Variants in AGTR1 observed in about 807,000 individuals in gnomAD.
AGTR1 encodes type-1 angiotensin II receptor.
Under a neutral mutation model 19.4 loss-of-function variants are expected in AGTR1, and 16 were observed. The ratio of observed to expected loss-of-function variants is 0.82; its 90% CI spans 0.56 to 1.25. The LOEUF (loss-of-function observed/expected upper bound fraction) is 1.25, where lower values mean the gene tolerates loss of function less well. AGTR1 is among the 50% of genes most tolerant of loss of function. AGTR1 has a pLI of 0.00. For missense variants in AGTR1, 373 were observed against 431.9 expected (o/e 0.86, Z 1.21); for synonymous variants, 153 against 154.9 (o/e 0.99, Z 0.09).
intron 2 of AGTR1, among the ~76,000 whole-genome samples, chr3:148,738,124 C>G (rs957799056): frequency 6.6e-6 from 1 of 152,118 alleles, no homozygotes; most frequent in African/African-American, 2.4e-5. Context: ...ATGGAACCCA[C>G]ATGAGTTGTG....
chr3:148,741,399 C>T lies in AGTR1; in HGVS notation c.364C>T (p.Leu122Phe), dbSNP rs1714875882. The T allele has an allele frequency of 1.9e-6, 3 of 1,603,544 alleles. No individual in the cohort carries two copies. In the African/African-American group the frequency reaches 4.0e-5, roughly 21 times the overall value. Residue 122 changes from leucine (L) to phenylalanine (F), a missense_variant, in exon 3 of 3, where the codon CTC (leucine) becomes TTC (phenylalanine). Coordinates refer to ENST00000349243, the MANE Select transcript of AGTR1 (RefSeq NM_000685.5). ...LYASVFLLTC[L>F]SIDRYLAIVH... ...CGCTAGTGTGTTTCTACTCACGTGT[C>T]TCAGCATTGATCGATACCTGGCTAT...
intron 2 of AGTR1, among the ~76,000 whole-genome samples, chr3:148,712,865 A>G (rs1034745045): frequency 1.3e-5 from 2 of 152,158 alleles, no homozygotes; most frequent in Non-Finnish European, 2.9e-5. Context: ...TTATCTATAC[A>G]TGACTAAACA....
At chr3:148,735,218 CCAGACAGAGTTT>C (rs1714508281) in intron 2 of AGTR1, among the ~76,000 whole-genome samples, 1 of 152,128 alleles carries the variant, frequency 6.6e-6, no homozygotes, top group Non-Finnish European at 1.5e-5. Context: ...CTTCTGAAGA[CCAGACAGAGTTT>C]CAGAGTGGTA....
chr3:148,735,667 G>A (rs550541799), intron 2 of AGTR1, among the ~76,000 whole-genome samples: 5 of 152,270 alleles, frequency 3.3e-5, no homozygotes, highest in South Asian at 4.1e-4. Flanking sequence ...AAAAAGAAAC[G>A]AGTAAAAAGC....
intron 2 of AGTR1, among the ~76,000 whole-genome samples, chr3:148,739,142 C>G (rs904898066): frequency 1.3e-5 from 2 of 151,974 alleles, no homozygotes; most frequent in Admixed American, 1.3e-4. Context: ...GTGGATCACC[C>G]GAAGTCAGGA....
chr3:148,704,507 C>T (rs1712558241), intron 1 of AGTR1, among the ~76,000 whole-genome samples: 1 of 152,158 alleles, frequency 6.6e-6, no homozygotes, highest in African/African-American at 2.4e-5. Flanking sequence ...CTGTTTTCTA[C>T]ATACACATAG....
chr3:148,717,229 A>G (rs146699289), intron 2 of AGTR1, among the ~76,000 whole-genome samples: 1 of 152,316 alleles, frequency 6.6e-6, no homozygotes, highest in Non-Finnish European at 1.5e-5. Flanking sequence ...ACATCTATTA[A>G]TTGGACACTT....
At position 148,741,613 on chromosome 3, in the gene AGTR1, T is replaced by TC; in HGVS notation, c.578_579insC (p.Gly194ArgfsTer34). On this transcript the variant is annotated frameshift_variant, in exon 3 of 3. Transcript: ENST00000349243. LOFTEE classifies it high-confidence loss of function. ...GAGTCCCAAAATTCAACCCTCCCGATAGGGCTGGGCCTGACCAAAAATATA... is the reference window on the plus strand; with the variant it reads ...GAGTCCCAAAATTCAACCCTCCCGATCAGGGCTGGGCCTGACCAAAAATATA... 8 of 1,614,104 alleles carry TC rather than the reference T, an allele frequency of 5.0e-6. No homozygotes were observed. The highest frequency in any genetic ancestry group is 6.8e-6 in the Non-Finnish European group (8 of 1,179,978).
intron 1 of AGTR1, among the ~76,000 whole-genome samples, chr3:148,702,891 T>C (rs955149509): frequency 6.6e-6 from 1 of 152,210 alleles, no homozygotes; most frequent in African/African-American, 2.4e-5. Flanking sequence ...AAATAAATAA[T>C]TTTTCTAATC....
At chr3:148,724,655 A>T (rs1713830332) in intron 2 of AGTR1, among the ~76,000 whole-genome samples, 1 of 152,184 alleles carries the variant, frequency 6.6e-6, no homozygotes. Flanking sequence ...CAGGAGATAC[A>T]GCTACCCTCC....
At chr3:148,737,678 C>G (rs2107969465) in intron 2 of AGTR1, among the ~76,000 whole-genome samples, 1 of 152,272 alleles carries the variant, frequency 6.6e-6, no homozygotes, top group Non-Finnish European at 1.5e-5. Context: ...CTTGTGCTTC[C>G]TTCCACTGTT....
At chr3:148,715,717 A>G (rs1440869902) in intron 2 of AGTR1, among the ~76,000 whole-genome samples, 1 of 152,160 alleles carries the variant, frequency 6.6e-6, no homozygotes, top group Non-Finnish European at 1.5e-5. Context: ...GCATATTTCA[A>G]ATTGTTCTAA....
chr3:148,713,196 T>C (rs190992971), intron 2 of AGTR1, among the ~76,000 whole-genome samples: 16 of 152,160 alleles, frequency 1.1e-4, no homozygotes, highest in Non-Finnish European at 2.2e-4. Context: ...GTGTGACCTA[T>C]TTTGCAGTTT....
Position 148,742,126 on chromosome 3 carries a change from A to C in AGTR1, c.*11A>C, listed in dbSNP as rs1436116333. The C allele has an allele frequency of 1.4e-5, 23 of 1,613,918 alleles. No individual in the cohort carries two copies. Among genetic ancestry groups the C allele is most frequent in the Non-Finnish European group, 1.9e-5 (22 of 1,179,920 alleles). On this transcript the variant is annotated 3_prime_UTR_variant, in exon 3 of 3. Transcript: ENST00000349243. The stretch of plus-strand genomic sequence containing the variant: ...TTTGAGGTTGAGTGACATGTTCGAA[A>C]CCTGTCCATAAAGTAATTTTGTGAA...
At chr3:148,737,964 T>G (rs1714662223) in intron 2 of AGTR1, among the ~76,000 whole-genome samples, 1 of 152,156 alleles carries the variant, frequency 6.6e-6, no homozygotes, top group African/African-American at 2.4e-5. Context: ...AAAAAAAGGC[T>G]GATAGCTTGT....
chr3:148,733,940 G>A lies in AGTR1; in HGVS notation c.-47-7049G>A, dbSNP rs12695910. On this transcript the variant is annotated intron_variant, in intron 2 of 2. Transcript: ENST00000349243. ...TATTTAATACTAACACTAACATGTC[G>A]AAGGAAGATGTTTAAAGCATGTGAA... 9.5e-3 allele frequency among the ~76,000 whole-genome samples: 1,450 copies of A among 152,160 alleles called. 28 individuals carry two copies. Among genetic ancestry groups the A allele is most frequent in the African/African-American group, 0.033 (1,388 of 41,520 alleles).
intron 2 of AGTR1, among the ~76,000 whole-genome samples, chr3:148,737,653 T>C (rs1714642805): frequency 6.6e-6 from 1 of 152,178 alleles, no homozygotes; most frequent in Non-Finnish European, 1.5e-5. Flanking sequence ...AATGTGCTAT[T>C]TGCATTGCTA....
intron 2 of AGTR1, among the ~76,000 whole-genome samples, chr3:148,721,362 C>T (rs888583157): frequency 1.3e-5 from 2 of 152,032 alleles, no homozygotes; most frequent in African/African-American, 2.4e-5. Context: ...AGGATGAAGC[C>T]GAGTAGTTCT....
intron 2 of AGTR1, among the ~76,000 whole-genome samples, chr3:148,724,370 T>G (rs1473863459): frequency 3.3e-5 from 5 of 152,216 alleles, no homozygotes; most frequent in Non-Finnish European, 7.3e-5. Flanking sequence ...GACTCTCTTA[T>G]GAATCTCTGA....
Sources: allele counts gnomAD v4.1 joint callset (sites outside exome capture counted in the v4.1 genomes callset), GRCh38; gene constraint gnomAD v4.1.1; transcripts MANE v1.5; gene names NCBI Gene and HGNC (gene_info 2026-07-23, HGNC 2026-07-21).